The following IPO8 variants were observed in gnomAD, a reference collection of about 807,000 sequenced individuals.
The protein encoded by IPO8 is importin 8.
A neutral mutation model predicts 141.2 loss-of-function variants in IPO8; 65 were observed. The ratio of observed to expected loss-of-function variants is 0.46; its 90% CI spans 0.38 to 0.57. The LOEUF is 0.57. Ranked by LOEUF, IPO8 falls within the 20% of genes least tolerant of loss-of-function variation. The pLI is 0.00. For missense variants in IPO8, 980 were observed against 1,246.8 expected, an observed-to-expected ratio of 0.79 and a Z score of 3.22; for synonymous variants, 411 against 420.3, an observed-to-expected ratio of 0.98 and a Z score of 0.27.
intron 20 of IPO8, among the ~76,000 whole-genome samples, chr12:30,647,130 T>C (rs2052657942): frequency 6.6e-6 from 1 of 152,078 alleles, no homozygotes; most frequent in African/African-American, 2.4e-5. Context: ...ATAAATCAAA[T>C]AGACTGAGTC....
At chr12:30,659,175 G>T (rs192033202) in intron 16 of IPO8, among the ~76,000 whole-genome samples, 1 of 151,778 alleles carries the variant, frequency 6.6e-6, no homozygotes. Flanking sequence ...CCACCGCGCC[G>T]GGCCTTATCA....
At chr12:30,669,757 C>T (rs1352606700) in intron 9 of IPO8, among the ~76,000 whole-genome samples, 1 of 121,968 alleles carries the variant, frequency 8.2e-6, no homozygotes, top group African/African-American at 3.4e-5. Flanking sequence ...CAGAGTGAGA[C>T]TCCAGCTCCA....
At chr12:30,647,989 C>T (rs1234629028) in intron 20 of IPO8, among the ~76,000 whole-genome samples, 1 of 152,124 alleles carries the variant, frequency 6.6e-6, no homozygotes, top group Non-Finnish European at 1.5e-5. Context: ...AATTGGAACC[C>T]TCTATCATTG....
intron 9 of IPO8, among the ~76,000 whole-genome samples, chr12:30,669,590 C>T (rs2053019424): frequency 6.6e-6 from 1 of 151,872 alleles, no homozygotes; most frequent in African/African-American, 2.4e-5. Flanking sequence ...GACAGGAGTT[C>T]AAGACCAGCC....
intron 12 of IPO8, 63 bp from the exon 13 acceptor site, chr12:30,665,372 C>A (rs2052948246): frequency 2.1e-6 from 2 of 944,348 alleles, no homozygotes; most frequent in Non-Finnish European, 3.4e-6. Flanking sequence ...ACTTCCTAAT[C>A]AAGTGTGTTT....
Position 30,662,383 on chromosome 12 carries a change from T to G in IPO8, c.1699A>C (p.Ile567Leu), listed in dbSNP as rs766399687. 1 of 1,613,718 alleles carries G rather than the reference T, an allele frequency of 6.2e-7. No homozygotes were observed. The highest frequency in any genetic ancestry group is 1.1e-5 in the South Asian group (1 of 91,076). The part of the protein sequence containing the change: ...DDVTNVIQKM[I>L]CEYSQEVASI... The stretch of plus-strand genomic sequence containing the variant: ...GCTACCTCTTGACTGTATTCACATA[T>G]CATCTTCTGGATGACATTAGTAACA... Residue 567 changes from isoleucine (I) to leucine (L), a missense_variant, in exon 15 of 25, where the codon ATA becomes CTA. Physicochemically the swap from Ile to Leu is conservative, Grantham distance 5. Coordinates refer to ENST00000256079, the MANE Select transcript of IPO8 (RefSeq NM_006390.4).
intron 22 of IPO8, 57 bp from the exon 23 acceptor site, chr12:30,634,343 A>G: frequency 7.0e-7 from 1 of 1,422,528 alleles, no homozygotes; most frequent in Non-Finnish European, 9.8e-7. Flanking sequence ...AAAATATAAA[A>G]CTTCACGACA....
intron 6 of IPO8, among the ~76,000 whole-genome samples, chr12:30,676,026 C>T (rs2053116525): frequency 6.6e-6 from 1 of 151,816 alleles, no homozygotes; most frequent in African/African-American, 2.4e-5. Flanking sequence ...CTCAAACTAC[C>T]AGTGATCCCC....
intron 8 of IPO8, among the ~76,000 whole-genome samples, 200 bp downstream of exon 8, chr12:30,673,790 G>A (rs780300439): frequency 3.9e-5 from 6 of 152,068 alleles, no homozygotes; most frequent in Non-Finnish European, 7.4e-5. Context: ...TGGCTGTCTC[G>A]GGACATTTGG....
chr12:30,673,755 A>G (rs1242648971), intron 8 of IPO8, among the ~76,000 whole-genome samples: 2 of 152,226 alleles, frequency 1.3e-5, no homozygotes, highest in African/African-American at 4.8e-5. Flanking sequence ...GTTTGAGTCC[A>G]GAGTCTAGGA....
chr12:30,687,222 T>G (rs1190928495), intron 2 of IPO8, among the ~76,000 whole-genome samples: 1 of 152,204 alleles, frequency 6.6e-6, no homozygotes, highest in East Asian at 1.9e-4. Context: ...ATAGATTAAA[T>G]AGAGCAGAAA....
intron 1 of IPO8, among the ~76,000 whole-genome samples, chr12:30,693,905 T>G (rs1471925094): frequency 6.6e-6 from 1 of 152,152 alleles, no homozygotes; most frequent in Non-Finnish European, 1.5e-5. Flanking sequence ...TGAACGTGCC[T>G]GCTTTTGTCT....
intron 1 of IPO8, among the ~76,000 whole-genome samples, chr12:30,690,809 T>A (rs528749328): frequency 6.6e-6 from 1 of 152,294 alleles, no homozygotes; most frequent in African/African-American, 2.4e-5. Context: ...TTTTAACATA[T>A]TGTCAGAATG....
chr12:30,632,776 G>C (rs1029046323), intron 23 of IPO8, among the ~76,000 whole-genome samples: 2 of 152,150 alleles, frequency 1.3e-5, no homozygotes, highest in African/African-American at 4.8e-5. Flanking sequence ...CTCCCCTGAA[G>C]TGAATTACCA....
intron 5 of IPO8, among the ~76,000 whole-genome samples, chr12:30,679,838 C>T (rs1358069125): frequency 6.6e-6 from 1 of 152,156 alleles, no homozygotes; most frequent in Non-Finnish European, 1.5e-5. Flanking sequence ...AGACTGAAAA[C>T]AATTATTCTT....
At chr12:30,671,221 C>A in intron 8 of IPO8, 125 bp from the exon 9 acceptor site, 1 of 618,402 alleles carries the variant, frequency 1.6e-6, no homozygotes, top group Non-Finnish European at 2.8e-6. Flanking sequence ...GGAGAAAAAT[C>A]AATGTTTTGT....
intron 20 of IPO8, among the ~76,000 whole-genome samples, chr12:30,646,724 T>C (rs2052652101): frequency 6.6e-6 from 1 of 152,054 alleles, no homozygotes; most frequent in African/African-American, 2.4e-5. Flanking sequence ...CCATTTACAA[T>C]AGCGTCAAAA....
intron 13 of IPO8, among the ~76,000 whole-genome samples, chr12:30,664,519 T>C (rs957525625): frequency 6.6e-6 from 1 of 152,192 alleles, no homozygotes; most frequent in Non-Finnish European, 1.5e-5. Flanking sequence ...ATTATTAATC[T>C]CTCCATTTTA....
chr12:30,655,953 C>G (rs992917935), intron 17 of IPO8, among the ~76,000 whole-genome samples: 1 of 152,180 alleles, frequency 6.6e-6, no homozygotes, highest in African/African-American at 2.4e-5. Flanking sequence ...AGACTCACCT[C>G]CTCTACAAAA....
Sources: gnomAD v4.1 joint callset for allele counts (sites outside exome capture counted in the v4.1 genomes callset) on GRCh38, gnomAD v4.1.1 for gene constraint, MANE v1.5 for transcripts, NCBI Gene and HGNC (gene_info 2026-07-23, HGNC 2026-07-21) for gene names.